SLC6A20: variants seen among roughly 807,000 people sequenced by gnomAD.
The protein encoded by SLC6A20 is solute carrier family 6 member 20.
A neutral mutation model predicts 64.3 loss-of-function variants in SLC6A20; 73 were observed. The observed-to-expected ratio is 1.14, with a 90% CI of 0.94 to 1.38. SLC6A20 has a LOEUF of 1.38. SLC6A20 is among the 40% of genes most tolerant of loss of function. The pLI, the probability that SLC6A20 is intolerant of heterozygous loss-of-function variation, is 0.00. For synonymous variants in SLC6A20, 347 were observed against 329.6 expected (o/e 1.05, Z -0.57); for missense variants, 725 against 772.8 (o/e 0.94, Z 0.73).
chr3:45,783,468 A>G (rs1384905673), intron 1 of SLC6A20, among the ~76,000 whole-genome samples: 2 of 152,232 alleles, frequency 1.3e-5, no homozygotes, highest in Admixed American at 6.5e-5. Flanking sequence ...CACTCTCCCA[A>G]TCACAGACCT....
chr3:45,796,447 G>C lies in SLC6A20; in HGVS notation c.-28C>G, dbSNP rs776282814. On this transcript the variant is annotated 5_prime_UTR_variant, in exon 1 of 11. Transcript: ENST00000358525. ...CCCCGGCCTCGGCGCGCTCGGCTCC[G>C]GCTCGGGGGTCCGGCACGGCAGTCT... 4.4e-6 allele frequency: 7 copies of C among 1,601,594 alleles called. No individual in the cohort carries two copies. Among genetic ancestry groups the C allele is most frequent in the Non-Finnish European group, 6.0e-6 (7 of 1,174,346 alleles).
rs1303276696 is a variant in SLC6A20 at position 45,759,849 on chromosome 3, G to A, written c.1629+8C>T. ...GCCCAGCGCCAGCCCTACGGAGACA[G>A]TAGATACCTGGGAGGCGTCCCAGGC... is the stretch of plus-strand genomic sequence containing the variant. On this transcript the variant is annotated splice_region_variant and intron_variant, in intron 10 of 10. Coordinates refer to ENST00000358525, the MANE Select transcript of SLC6A20 (RefSeq NM_020208.4). 8.7e-6 allele frequency: 14 copies of A among 1,611,220 alleles called. No individual in the cohort carries two copies. The highest frequency in any genetic ancestry group is 2.2e-5 in the East Asian group (1 of 44,874).
intron 9 of SLC6A20, among the ~76,000 whole-genome samples, chr3:45,762,282 C>T (rs943736756): frequency 2.6e-5 from 4 of 152,202 alleles, no homozygotes; most frequent in African/African-American, 9.6e-5. Flanking sequence ...TGGGAACCTG[C>T]TAGAAATGTG....
chr3:45,759,546 GGA>G (rs1487470457), intron 10 of SLC6A20, among the ~76,000 whole-genome samples: 1 of 152,230 alleles, frequency 6.6e-6, no homozygotes, highest in Non-Finnish European at 1.5e-5. Flanking sequence ...TAGGCGCGGA[GGA>G]GAGCGCTGCT....
intron 4 of SLC6A20, among the ~76,000 whole-genome samples, chr3:45,773,064 C>T (rs1699903457): frequency 6.6e-6 from 1 of 152,060 alleles, no homozygotes; most frequent in Non-Finnish European, 1.5e-5. Context: ...AAGTCTCTAC[C>T]CAGTTTCTGA....
At chr3:45,772,274 TGAAA>T (rs1699885282) in intron 5 of SLC6A20, 1 of 482,008 alleles carries the variant, frequency 2.1e-6, no homozygotes, top group Non-Finnish European at 3.7e-6. Flanking sequence ...GAGGAGAAGC[TGAAA>T]GAAAGACTTA....
chr3:45,775,677 T>G, intron 4 of SLC6A20, 84 bp downstream of exon 4: 1 of 1,330,964 alleles, frequency 7.5e-7, no homozygotes, highest in Non-Finnish European at 1.0e-6. Context: ...TGGCATTGCC[T>G]AGGGTTGGAG....
At chr3:45,774,676 G>A (rs1699934782) in intron 4 of SLC6A20, among the ~76,000 whole-genome samples, 1 of 152,212 alleles carries the variant, frequency 6.6e-6, no homozygotes, top group Admixed American at 6.5e-5. Flanking sequence ...AAATACATGG[G>A]GGGTGGGGTG....
At chr3:45,796,234 G>T in intron 1 of SLC6A20, 65 bp downstream of exon 1, 1 of 1,549,330 alleles carries the variant, frequency 6.5e-7, no homozygotes, top group Non-Finnish European at 8.7e-7. Context: ...GTCTAACCCC[G>T]GCTCGCACAC....
chr3:45,763,077 G>C lies in SLC6A20; in HGVS notation c.1304-5C>G. 1 of 1,613,854 alleles carries C rather than the reference G, an allele frequency of 6.2e-7. No individual in the cohort carries two copies. The highest frequency in any genetic ancestry group is 8.5e-7 in the Non-Finnish European group (1 of 1,179,964). On this transcript the variant is annotated splice_polypyrimidine_tract_variant and splice_region_variant and intron_variant, in intron 8 of 10. Transcript: ENST00000358525. ...AGTTGACAAGGCACACCAGACCTGG[G>C]GGCCACAAGACCAGCTGCTCACCTG... is the stretch of plus-strand genomic sequence containing the variant.
intron 8 of SLC6A20, among the ~76,000 whole-genome samples, chr3:45,764,073 C>T (rs1408723533): frequency 1.3e-5 from 2 of 152,174 alleles, no homozygotes; most frequent in African/African-American, 4.8e-5. Context: ...TTGATTCATC[C>T]TGCATGTCAA....
At chr3:45,779,927 C>G (rs545107358) in intron 3 of SLC6A20, 82 bp downstream of exon 3, 14 of 1,453,826 alleles carry the variant, frequency 9.6e-6, no homozygotes, top group East Asian at 5.0e-5. Context: ...TTGCCCCACA[C>G]CCCCTTCCCC....
intron 1 of SLC6A20, among the ~76,000 whole-genome samples, chr3:45,786,234 T>TCAACCAACACCAACATCAACAC (rs1700167590): frequency 6.6e-6 from 1 of 152,328 alleles, no homozygotes; most frequent in African/African-American, 2.4e-5. Flanking sequence ...AACACCAACA[T>TCAACCAACACCAACATCAACAC]CAAACTATTA....
At chr3:45,780,129 G>A (rs1338787618) in intron 2 of SLC6A20, 29 bp from the exon 3 acceptor site, 1 of 1,557,726 alleles carries the variant, frequency 6.4e-7, no homozygotes, top group Non-Finnish European at 8.7e-7. Context: ...CCGCGCTGAG[G>A]ACTGAGGATG....
intron 7 of SLC6A20, among the ~76,000 whole-genome samples, chr3:45,766,370 C>A (rs1377861734): frequency 6.6e-6 from 1 of 152,226 alleles, no homozygotes; most frequent in African/African-American, 2.4e-5. Context: ...AGCCCCCCCA[C>A]CCGGTTTAGA....
intron 4 of SLC6A20, 107 bp downstream of exon 4, chr3:45,775,654 G>A: frequency 9.3e-7 from 1 of 1,076,782 alleles, no homozygotes. Flanking sequence ...TTCCACTGCA[G>A]AGGGCACTCC....
intron 5 of SLC6A20, 118 bp from the exon 6 acceptor site, chr3:45,771,576 A>T (rs1699869044): frequency 2.0e-6 from 3 of 1,507,156 alleles, no homozygotes; most frequent in Non-Finnish European, 2.7e-6. Flanking sequence ...CGCAGCCATC[A>T]GGGGCACCCC....
intron 1 of SLC6A20, among the ~76,000 whole-genome samples, chr3:45,794,057 A>C (rs1444245361): frequency 1.3e-5 from 2 of 152,242 alleles, no homozygotes; most frequent in East Asian, 3.9e-4. Flanking sequence ...AACAATGTGC[A>C]GTTCTTCTGA....
chr3:45,776,021 G>A, intron 3 of SLC6A20, 33 bp from the exon 4 acceptor site: 1 of 1,605,770 alleles, frequency 6.2e-7, no homozygotes, highest in South Asian at 1.1e-5. Flanking sequence ...ATCCAGGGAG[G>A]TGAAGGCTGA....
Sources: gnomAD v4.1 joint callset for allele counts (sites outside exome capture counted in the v4.1 genomes callset) on GRCh38, gnomAD v4.1.1 for gene constraint, MANE v1.5 for transcripts, NCBI Gene and HGNC (gene_info 2026-07-23, HGNC 2026-07-21) for gene names.